Variants in CDH18 observed in about 807,000 individuals in gnomAD.
CDH18 encodes cadherin 18.
Under a neutral mutation model 67.9 loss-of-function variants are expected in CDH18, and 31 were observed. The observed-to-expected ratio is 0.46, with a 90% CI of 0.34 to 0.62. CDH18 has a LOEUF of 0.62. CDH18 is among the 20% of genes least tolerant of loss of function. The probability of loss-of-function intolerance (pLI) is 0.01; values close to 1 mark genes in which losing one functional copy is unlikely to be tolerated. For missense variants in CDH18, 890 were observed against 975.5 expected, an observed-to-expected ratio of 0.91 and a Z score of 1.17; for synonymous variants, 362 against 347.2, an observed-to-expected ratio of 1.04 and a Z score of -0.48.
intron 2 of CDH18, among the ~76,000 whole-genome samples, chr5:19,850,235 A>G (rs1301199932): frequency 1.3e-5 from 2 of 151,946 alleles, no homozygotes. Flanking sequence ...CCATTTCAGC[A>G]TTCGACTCAT....
chr5:19,579,887 T>A (rs1205121859), intron 7 of CDH18, among the ~76,000 whole-genome samples: 2 of 151,378 alleles, frequency 1.3e-5, no homozygotes, highest in African/African-American at 2.4e-5. Flanking sequence ...CAATAAAATA[T>A]CCTTCAATCC....
intron 1 of CDH18, among the ~76,000 whole-genome samples, chr5:20,483,832 A>T (rs1404677860): frequency 6.6e-6 from 1 of 152,050 alleles, no homozygotes; most frequent in African/African-American, 2.4e-5. Flanking sequence ...AAACTAGTAA[A>T]AGACAACCTT....
chr5:19,576,379 A>C (rs1742315946), intron 7 of CDH18, among the ~76,000 whole-genome samples: 1 of 148,284 alleles, frequency 6.7e-6, no homozygotes, highest in African/African-American at 2.6e-5. Flanking sequence ...TAATGAAGGA[A>C]CTCAAACTAC....
intron 3 of CDH18, among the ~76,000 whole-genome samples, chr5:19,834,947 G>A (rs1171423863): frequency 6.6e-6 from 1 of 152,104 alleles, no homozygotes; most frequent in Non-Finnish European, 1.5e-5. Flanking sequence ...TTCAACCATT[G>A]TGGAAAACAG....
At chr5:19,785,651 T>G in intron 3 of CDH18, among the ~76,000 whole-genome samples, 1 of 11,222 alleles carries the variant, frequency 8.9e-5, no homozygotes, top group Non-Finnish European at 1.8e-4. Flanking sequence ...CAAAACTCTG[T>G]CTCAAAAAAA....
rs79637883 is a variant in CDH18, at chr5:19,870,876, A to G, written c.-256-31634T>C. ...TGTGGGCCACCAGTTTGTGGCCTTC[A>G]TTGTGAATTCAGTCATCTTTTCTTT... On this transcript the variant is annotated intron_variant, in intron 2 of 12. Transcript: ENST00000382275. 5.1e-3 allele frequency among the ~76,000 whole-genome samples: 783 copies of G among 152,292 alleles called. 4 individuals are homozygous for G. Among genetic ancestry groups the G allele is most frequent in the Non-Finnish European group, 8.4e-3 (571 of 68,004 alleles).
At chr5:19,807,719 C>T (rs78438171) in intron 3 of CDH18, among the ~76,000 whole-genome samples, 136 of 152,312 alleles carry the variant, frequency 8.9e-4, no homozygotes, top group East Asian at 2.7e-3. Flanking sequence ...CATTTTGGCC[C>T]TGATTGGCTC....
chr5:20,333,520 A>AATAT (rs141580496), intron 1 of CDH18, among the ~76,000 whole-genome samples: 44 of 115,736 alleles, frequency 3.8e-4, no homozygotes, highest in African/African-American at 1.2e-3. Flanking sequence ...AAAAAAAAAC[A>AATAT]ATATATATAC....
intron 8 of CDH18, among the ~76,000 whole-genome samples, chr5:19,557,892 G>A (rs1161998219): frequency 2.0e-5 from 3 of 151,888 alleles, no homozygotes; most frequent in Non-Finnish European, 1.5e-5. Flanking sequence ...AATATGATAG[G>A]CCACAGTACA....
intron 1 of CDH18, among the ~76,000 whole-genome samples, chr5:20,436,269 A>G (rs1273951922): frequency 2.0e-5 from 3 of 151,950 alleles, no homozygotes; most frequent in East Asian, 1.9e-4. Context: ...TGATTGTTCC[A>G]TTCTGTTGTG....
intron 2 of CDH18, among the ~76,000 whole-genome samples, chr5:20,177,012 A>G (rs1248602395): frequency 1.3e-5 from 2 of 152,134 alleles, no homozygotes; most frequent in African/African-American, 4.8e-5. Flanking sequence ...TTTTAGAAAA[A>G]TAAGCTTATT....
At chr5:19,660,646 G>A (rs565676912) in intron 5 of CDH18, among the ~76,000 whole-genome samples, 1 of 152,204 alleles carries the variant, frequency 6.6e-6, no homozygotes, top group African/African-American at 2.4e-5. Context: ...CCTCAAATAT[G>A]AAGTTAAATG....
chr5:19,743,503 A>G (rs1561202870), intron 4 of CDH18, among the ~76,000 whole-genome samples: 1 of 152,162 alleles, frequency 6.6e-6, no homozygotes, highest in East Asian at 1.9e-4. Context: ...ACCACAGACA[A>G]TCTTCAAGTA....
intron 1 of CDH18, among the ~76,000 whole-genome samples, chr5:20,463,294 T>C (rs1425674841): frequency 3.3e-5 from 5 of 149,824 alleles, no homozygotes; most frequent in African/African-American, 1.2e-4. Flanking sequence ...CTGAGATTAG[T>C]AAAACAAGAA....
intron 1 of CDH18, among the ~76,000 whole-genome samples, chr5:20,431,487 C>CAAAAAAAAAAAAAA (rs560015111): frequency 1.5e-5 from 1 of 66,150 alleles, no homozygotes. Flanking sequence ...GAGTGAAACT[C>CAAAAAAAAAAAAAA]AAAAAAAAAA....
intron 1 of CDH18, among the ~76,000 whole-genome samples, chr5:20,499,384 GTTA>G (rs991650216): frequency 4.6e-5 from 7 of 151,774 alleles, no homozygotes; most frequent in African/African-American, 1.7e-4. Context: ...TTTTTGTATT[GTTA>G]TTGTTATTTT....
chr5:20,390,304 C>T (rs1025347226), intron 1 of CDH18, among the ~76,000 whole-genome samples: 7 of 152,100 alleles, frequency 4.6e-5, no homozygotes, highest in African/African-American at 9.7e-5. Context: ...AAAAAACAAA[C>T]GACTCCATCA....
chr5:20,254,378 G>A (rs1421781626), intron 2 of CDH18, among the ~76,000 whole-genome samples: 2 of 152,070 alleles, frequency 1.3e-5, no homozygotes, highest in Admixed American at 6.6e-5. Context: ...TCCTAAAGTT[G>A]GGATTACAGG....
intron 1 of CDH18, among the ~76,000 whole-genome samples, chr5:20,406,410 C>A (rs10068279): frequency 0.56 from 84,315 of 150,370 alleles, 24,015 homozygotes; most frequent in Middle Eastern, 0.63. Context: ...AGGAAGGGGA[C>A]CATCACACCC....
Sources: allele counts gnomAD v4.1 joint callset (sites outside exome capture counted in the v4.1 genomes callset), GRCh38; gene constraint gnomAD v4.1.1; transcripts MANE v1.5; gene names NCBI Gene and HGNC (gene_info 2026-07-23, HGNC 2026-07-21).